Variants in PACRG observed in about 807,000 individuals in gnomAD.
PACRG encodes parkin coregulated gene protein.
Under a neutral mutation model 29.7 loss-of-function variants are expected in PACRG, and 29 were observed. That is an observed-to-expected ratio of 0.98 (90% CI 0.73 to 1.33). The LOEUF (loss-of-function observed/expected upper bound fraction) is 1.33. Among genes scored for constraint, PACRG ranks in the 40% most tolerant of loss-of-function variants. PACRG has a pLI of 0.00. For synonymous variants in PACRG, 116 were observed against 118.7 expected (o/e 0.98, Z 0.15); for missense variants, 279 against 316.2 (o/e 0.88, Z 0.89).
At chr6:162,910,847 T>TGAGGC (rs2128076644) in intron 2 of PACRG, among the ~76,000 whole-genome samples, 1 of 152,288 alleles carries the variant, frequency 6.6e-6, no homozygotes, top group South Asian at 2.1e-4. Context: ...GAGAGCCCAC[T>TGAGGC]TAGAAAGGAG....
At chr6:163,108,620 C>A (rs1815532781) in intron 4 of PACRG, among the ~76,000 whole-genome samples, 1 of 151,880 alleles carries the variant, frequency 6.6e-6, no homozygotes, top group African/African-American at 2.4e-5. Flanking sequence ...AACTCCTGGC[C>A]TCAAGTGATC....
intron 4 of PACRG, chr6:163,189,707 CA>C (rs1488195233): frequency 3.3e-5 from 5 of 152,226 alleles, no homozygotes; most frequent in Non-Finnish European, 7.3e-5. Flanking sequence ...GGAAGAGATA[CA>C]AATGAGTTTT....
chr6:162,753,143 A>G (rs1484457462), intron 1 of PACRG, among the ~76,000 whole-genome samples: 3 of 152,124 alleles, frequency 2.0e-5, no homozygotes, highest in Admixed American at 6.6e-5. Context: ...GAAATACATA[A>G]CACATTATTA....
intron 4 of PACRG, among the ~76,000 whole-genome samples, chr6:163,291,157 T>A (rs1784588073): frequency 6.7e-6 from 1 of 149,466 alleles, no homozygotes; most frequent in African/African-American, 2.5e-5. Flanking sequence ...GGCCTGCGGG[T>A]CACCCTGCAA....
At chr6:163,159,538 G>T (rs1778464514) in intron 4 of PACRG, among the ~76,000 whole-genome samples, 1 of 151,960 alleles carries the variant, frequency 6.6e-6, no homozygotes, top group African/African-American at 2.4e-5. Context: ...ATGGGTTTTA[G>T]TCCTGATTCT....
intron 4 of PACRG, among the ~76,000 whole-genome samples, chr6:163,120,628 G>A (rs755488699): frequency 1.2e-4 from 19 of 152,060 alleles, no homozygotes; most frequent in Middle Eastern, 3.4e-3. Context: ...AGAAATCTGC[G>A]TCTACTTTCT....
chr6:162,928,508 T>G (rs1440323179), intron 2 of PACRG, among the ~76,000 whole-genome samples: 3 of 152,074 alleles, frequency 2.0e-5, no homozygotes, highest in Non-Finnish European at 4.4e-5. Flanking sequence ...TTTGCATATT[T>G]TCTGGGTACA....
intron 2 of PACRG, among the ~76,000 whole-genome samples, chr6:162,904,905 A>G (rs1253904211): frequency 6.6e-6 from 1 of 152,188 alleles, no homozygotes; most frequent in Non-Finnish European, 1.5e-5. Flanking sequence ...TGCATTTGTG[A>G]TGCAACCCCC....
intron 2 of PACRG, among the ~76,000 whole-genome samples, chr6:162,825,379 C>T (rs2128383525): frequency 6.6e-6 from 1 of 152,252 alleles, no homozygotes; most frequent in South Asian, 2.1e-4. Context: ...CATCTCCGTT[C>T]TCTTATTTTC....
chr6:162,727,600 G>C, upstream of PACRG: 2 of 1,528,224 alleles, frequency 1.3e-6, no homozygotes, highest in Non-Finnish European at 1.8e-6. Flanking sequence ...GAGGCGGGGC[G>C]TGGCGCCATA....
At chr6:163,211,429 T>A (rs1292168446) in intron 4 of PACRG, among the ~76,000 whole-genome samples, 5 of 152,226 alleles carry the variant, frequency 3.3e-5, no homozygotes, top group African/African-American at 1.2e-4. Flanking sequence ...ACAAATTTTT[T>A]AAATTTATCT....
intron 4 of PACRG, among the ~76,000 whole-genome samples, chr6:163,265,216 C>G (rs1163306982): frequency 9.8e-5 from 15 of 152,304 alleles, no homozygotes; most frequent in Admixed American, 7.8e-4. Context: ...GATTCCGACC[C>G]TGATAGGCTT....
intron 2 of PACRG, among the ~76,000 whole-genome samples, chr6:162,819,669 G>A (rs1172383814): frequency 6.6e-6 from 1 of 152,106 alleles, no homozygotes; most frequent in Non-Finnish European, 1.5e-5. Flanking sequence ...AGGTGCCCAG[G>A]GATATTTGTT....
At chr6:163,016,262 G>C (rs1776323290) in intron 2 of PACRG, 2 of 152,164 alleles carry the variant, frequency 1.3e-5, no homozygotes, top group South Asian at 4.1e-4. Flanking sequence ...TGCCTGACTA[G>C]CTTTTTAAAA....
At chr6:162,785,901 C>T (rs1023079791) in intron 1 of PACRG, among the ~76,000 whole-genome samples, 3 of 152,220 alleles carry the variant, frequency 2.0e-5, no homozygotes, top group Non-Finnish European at 4.4e-5. Flanking sequence ...TGCTTGAGGG[C>T]AGGGCCAGGA....
At chr6:163,284,322 G>A (rs1237895707) in intron 4 of PACRG, among the ~76,000 whole-genome samples, 1 of 152,286 alleles carries the variant, frequency 6.6e-6, no homozygotes, top group East Asian at 1.9e-4. Flanking sequence ...TCTGACCTCA[G>A]TCCCAGACTG....
intron 1 of PACRG, among the ~76,000 whole-genome samples, chr6:162,795,123 C>T (rs1390946843): frequency 6.6e-6 from 1 of 151,238 alleles, no homozygotes; most frequent in Non-Finnish European, 1.5e-5. Context: ...AGACACAACA[C>T]CTAGAGCAAG....
chr6:163,259,967 G>C (rs1783260383), intron 4 of PACRG, among the ~76,000 whole-genome samples: 2 of 152,188 alleles, frequency 1.3e-5, no homozygotes, highest in Non-Finnish European at 2.9e-5. Context: ...ATGATGTGCT[G>C]GTTTCAGAGT....
At chr6:162,753,538 T>C (rs912319873) in intron 1 of PACRG, among the ~76,000 whole-genome samples, 6 of 152,176 alleles carry the variant, frequency 3.9e-5, no homozygotes, top group African/African-American at 4.8e-5. Flanking sequence ...TCTTGACTAT[T>C]GTGAATGATA....
Sources: allele counts gnomAD v4.1 joint callset (sites outside exome capture counted in the v4.1 genomes callset), GRCh38; gene constraint gnomAD v4.1.1; transcripts MANE v1.5; gene names NCBI Gene and HGNC (gene_info 2026-07-23, HGNC 2026-07-21).